Variants in ABCC1 observed in about 807,000 individuals in gnomAD.
ABCC1 encodes multidrug resistance-associated protein 1.
Under a neutral mutation model 172.9 loss-of-function variants are expected in ABCC1, and 83 were observed. The ratio of observed to expected loss-of-function variants is 0.48; its 90% confidence interval spans 0.40 to 0.58. ABCC1 has a LOEUF of 0.58. Among genes scored for constraint, ABCC1 ranks in the 20% least tolerant of loss-of-function variants. ABCC1 has a pLI of 0.00. For missense variants in ABCC1, 1,817 were observed against 2,002.7 expected (o/e 0.91, Z 1.77); for synonymous variants, 937 against 825.2 (o/e 1.14, Z -2.32).
intron 29 of ABCC1, among the ~76,000 whole-genome samples, chr16:16,137,397 G>A (rs2045955312): frequency 6.6e-6 from 1 of 152,132 alleles, no homozygotes; most frequent in South Asian, 2.1e-4. Flanking sequence ...GGGCACAAGA[G>A]CGTGCAAGCC....
chr16:15,979,297 CAAACAAACAAACAAAA>C (rs2046565050), intron 1 of ABCC1, among the ~76,000 whole-genome samples: 2 of 144,308 alleles, frequency 1.4e-5, no homozygotes, highest in Admixed American at 6.9e-5. Flanking sequence ...CTCAAACAAA[CAAACAAACAAACAAAA>C]AAAAAACAAA....
chr16:16,052,613 C>A, intron 10 of ABCC1, 111 bp from the exon 11 acceptor site: 1 of 954,990 alleles, frequency 1.0e-6, no homozygotes, highest in Non-Finnish European at 1.6e-6. Flanking sequence ...ACACACCTTG[C>A]CCTGAACTTG....
intron 3 of ABCC1, among the ~76,000 whole-genome samples, chr16:16,012,104 G>C (rs1022309982): frequency 1.3e-5 from 2 of 152,146 alleles, no homozygotes; most frequent in Non-Finnish European, 2.9e-5. Flanking sequence ...GCCCTGCCCA[G>C]ACCATGATTC....
At chr16:15,965,483 G>A (rs1397350361) in intron 1 of ABCC1, among the ~76,000 whole-genome samples, 2 of 151,980 alleles carry the variant, frequency 1.3e-5, no homozygotes, top group East Asian at 1.9e-4. Context: ...TAGTAGAGAC[G>A]GAGTTTCACC....
intron 1 of ABCC1, among the ~76,000 whole-genome samples, chr16:15,964,244 A>G (rs543412514): frequency 3.6e-4 from 55 of 152,072 alleles, no homozygotes; most frequent in Admixed American, 2.2e-3. Flanking sequence ...CGCCCGGCCA[A>G]TTTCCACCCT....
chr16:16,118,977 G>A (rs1363173532), intron 23 of ABCC1, among the ~76,000 whole-genome samples: 1 of 150,292 alleles, frequency 6.7e-6, no homozygotes, highest in African/African-American at 2.4e-5. Flanking sequence ...CAGCTCAAAT[G>A]TCCATTAACA....
intron 7 of ABCC1, among the ~76,000 whole-genome samples, chr16:16,044,193 G>A (rs1024479662): frequency 5.9e-5 from 9 of 152,146 alleles, no homozygotes; most frequent in Non-Finnish European, 7.4e-5. Context: ...GGAGGAAACT[G>A]AGGCCCAGAG....
At chr16:15,964,666 G>GT (rs879588074) in intron 1 of ABCC1, among the ~76,000 whole-genome samples, 238 of 144,884 alleles carry the variant, frequency 1.6e-3, no homozygotes, top group East Asian at 2.2e-3. Context: ...TACTCTGCCA[G>GT]TTTTTTTTTT....
At chr16:16,062,652 T>C (rs1483985808) in intron 12 of ABCC1, among the ~76,000 whole-genome samples, 3 of 152,218 alleles carry the variant, frequency 2.0e-5, no homozygotes, top group African/African-American at 4.8e-5. Flanking sequence ...GGCCGAGGCA[T>C]CGAAGCCTCT....
At position 16,058,041 on chromosome 16, in the gene ABCC1, G is replaced by A. The variant is rs75194824; in HGVS notation, c.1677+1746G>A. On this transcript the variant is annotated intron_variant, in intron 12 of 30. Transcript: ENST00000399410. Reference sequence around the variant, plus strand: ...TCCTTGCAAAAACAGGTTGTTCCCTGTTTTTTTTGCTGTTATGATCCATGC... The same window carrying A: ...TCCTTGCAAAAACAGGTTGTTCCCTATTTTTTTTGCTGTTATGATCCATGC... 4.8e-3 allele frequency among the ~76,000 whole-genome samples: 733 copies of A among 151,910 alleles called. 11 individuals are homozygous for A. Among genetic ancestry groups the A allele is most frequent in the African/African-American group, 0.017 (707 of 41,424 alleles).
rs949132717 is a variant in ABCC1 at position 15,980,745 on chromosome 16, C to G, written c.49-27071C>G. ...TGATATCGTTCTGCCCCTCCCAAAT[C>G]TCATGTCCTCACATTTCAAAACACA... On this transcript the variant is annotated intron_variant, in intron 1 of 30. Transcript: ENST00000399410. Among the ~76,000 whole-genome samples the G allele has an allele frequency of 2.6e-5, 4 of 152,120 alleles. No individual in the cohort carries two copies. In the East Asian group the frequency reaches 7.7e-4, roughly 29 times the overall value.
chr16:16,004,945 A>T (rs2047469489), intron 1 of ABCC1, among the ~76,000 whole-genome samples: 1 of 151,938 alleles, frequency 6.6e-6, no homozygotes, highest in African/African-American at 2.4e-5. Context: ...GATTACAGGC[A>T]TGAGCCACCG....
At chr16:15,992,851 G>A (rs563940390) in intron 1 of ABCC1, among the ~76,000 whole-genome samples, 39 of 152,104 alleles carry the variant, frequency 2.6e-4, no homozygotes, top group Admixed American at 6.6e-4. Context: ...GACTTCTCCC[G>A]CCCAATCTTG....
intron 1 of ABCC1, among the ~76,000 whole-genome samples, chr16:15,985,646 T>A (rs554835743): frequency 1.3e-5 from 2 of 152,142 alleles, no homozygotes; most frequent in African/African-American, 4.8e-5. Flanking sequence ...GGTTTCTTCA[T>A]GTTGGTCGGG....
chr16:16,102,336 A>T (rs942789216), intron 19 of ABCC1, among the ~76,000 whole-genome samples: 15 of 152,302 alleles, frequency 9.8e-5, no homozygotes, highest in Middle Eastern at 3.4e-3. Flanking sequence ...GGTTTTACCC[A>T]TTGCTGCTGG....
intron 1 of ABCC1, among the ~76,000 whole-genome samples, chr16:15,984,034 C>G (rs1029102423): frequency 1.3e-5 from 2 of 152,142 alleles, no homozygotes; most frequent in African/African-American, 4.8e-5. Context: ...GTGTGTGGGT[C>G]AGGCTCTTCA....
At position 16,008,184 on chromosome 16, in the gene ABCC1, C is replaced by T. The variant is rs761152348; in HGVS notation, c.225+192C>T. Among the ~76,000 whole-genome samples the T allele has an allele frequency of 2.6e-5, 4 of 151,948 alleles. No homozygotes were observed. In the East Asian group the frequency reaches 5.8e-4, roughly 22 times the overall value. On this transcript the variant is annotated intron_variant, in intron 2 of 30. Transcript: ENST00000399410. Reference sequence around the variant, plus strand: ...ACATGGGTACAAATCTTTGCTCTGCCGCTTAGTATTTGGCCTCGAGCAAAT... The same window carrying T: ...ACATGGGTACAAATCTTTGCTCTGCTGCTTAGTATTTGGCCTCGAGCAAAT...
At chr16:16,007,306 C>A (rs1177060964) in intron 1 of ABCC1, among the ~76,000 whole-genome samples, 1 of 151,676 alleles carries the variant, frequency 6.6e-6, no homozygotes, top group African/African-American at 2.4e-5. Context: ...CAGCTCGTTG[C>A]AACTTCCGCC....
intron 5 of ABCC1, among the ~76,000 whole-genome samples, chr16:16,030,182 A>G (rs187483919): frequency 6.6e-6 from 1 of 152,290 alleles, no homozygotes; most frequent in East Asian, 1.9e-4. Flanking sequence ...CACTGACAAC[A>G]TCAGATGTTT....
Sources: allele counts gnomAD v4.1 joint callset (sites outside exome capture counted in the v4.1 genomes callset), GRCh38; gene constraint gnomAD v4.1.1; transcripts MANE v1.5; gene names NCBI Gene and HGNC (gene_info 2026-07-23, HGNC 2026-07-21).